The following DGCR2 variants were observed in gnomAD, a reference collection of about 807,000 sequenced individuals.
The protein encoded by DGCR2 is DiGeorge syndrome critical region gene 2.
Under a neutral mutation model 51.6 loss-of-function variants are expected in DGCR2, and 24 were observed. The observed-to-expected ratio is 0.47, with a 90% confidence interval of 0.34 to 0.65. The LOEUF (loss-of-function observed/expected upper bound fraction) is 0.65, where lower values mean the gene tolerates loss of function less well. DGCR2 is among the 30% of genes least tolerant of loss of function. DGCR2 has a pLI of 0.01. For synonymous variants in DGCR2, 340 were observed against 315.4 expected, an observed-to-expected ratio of 1.08 and a Z score of -0.82; for missense variants, 765 against 772.1, an observed-to-expected ratio of 0.99 and a Z score of 0.11.
rs1275314697 is a variant in DGCR2, at chr22:19,048,626, T to C, written c.820A>G (p.Ile274Val). The C allele has an allele frequency of 1.2e-6, 2 of 1,614,242 alleles. No homozygotes were observed. The highest frequency in any genetic ancestry group is 1.7e-6 in the Non-Finnish European group (2 of 1,180,030). ...LCKRSQTCVD[I>V]KDNVVDEGFY... ...CCTTCATCCACCACGTTGTCCTTGA[T>C]GTCAACACATGTTTGACCTGCAATG... is the stretch of plus-strand genomic sequence containing the variant. Residue 274 changes from isoleucine (I) to valine (V), a missense_variant, in exon 7 of 10, where the codon ATC becomes GTC. Physicochemically the swap from Ile to Val is conservative, Grantham distance 29 (BLOSUM62 3). Coordinates refer to ENST00000263196, the MANE Select transcript of DGCR2 (RefSeq NM_005137.3).
At chr22:19,121,966 G>A (rs2083438446) in intron 1 of DGCR2, 162 bp downstream of exon 1, 1 of 330,502 alleles carries the variant, frequency 3.0e-6, no homozygotes, top group Non-Finnish European at 5.2e-6. Context: ...AGCTCCAGCA[G>A]GCGTCCGCAG....
chr22:19,046,195 T>C (rs2082487902), intron 7 of DGCR2: 1 of 152,100 alleles, frequency 6.6e-6, no homozygotes, highest in Non-Finnish European at 1.5e-5. Flanking sequence ...CTTTTTGTCA[T>C]CATGGTTTTA....
Position 19,041,726 on chromosome 22 carries a change from A to G in DGCR2, c.1159+81T>C, listed in dbSNP as rs1400909019. 2.7e-6 allele frequency: 4 copies of G among 1,495,072 alleles called. No individual in the cohort carries two copies. The Admixed American group carries it at 7.8e-5, about 29-fold the overall frequency. The allele number at this position is 1,495,072 out of a possible 1,614,324, so 92.6% of individuals were successfully genotyped here. ...AACCTGCCTCTGCCCCTCTCTGTCC[A>G]GGGCTGGGGAGCTCATGGAGACATG... On this transcript the variant is annotated intron_variant, in intron 8 of 9. Transcript: ENST00000263196.
At chr22:19,047,835 C>A (rs1000057929) in intron 7 of DGCR2, 1 of 153,726 alleles carries the variant, frequency 6.5e-6, no homozygotes, top group Non-Finnish European at 1.4e-5. Flanking sequence ...TAAGCAATGA[C>A]AACTGTCACT....
chr22:19,039,233 G>T, intron 9 of DGCR2, 112 bp from the exon 10 acceptor site: 1 of 1,404,536 alleles, frequency 7.1e-7, no homozygotes, highest in Non-Finnish European at 9.7e-7. Flanking sequence ...CCCCCCTGAA[G>T]CTGGGTGGTG....
Position 19,064,993 on chromosome 22 carries a change from C to T in DGCR2, c.403G>A (p.Gly135Arg), listed in dbSNP as rs34285832. 1.0e-4 allele frequency: 162 copies of T among 1,613,926 alleles called. No individual in the cohort carries two copies. Among genetic ancestry groups the T allele is most frequent in the Admixed American group, 5.0e-5 (3 of 59,996 alleles). The part of the protein sequence containing the change: ...TASCYRVYLS[G>R]ENYWDAAQTC... ...TGCGCGGCATCCCAGTAGTTCTCCC[C>T]GCTCAGGTAGACCCGGTAGCAGCTG... Residue 135 changes from glycine (G) to arginine (R), a missense_variant, in exon 4 of 10, where the codon GGG becomes AGG. Gly to Arg is a moderately radical substitution (Grantham distance 125). Around this residue, in one of 3 missense-constraint regions of DGCR2, gnomAD observed 370 missense variants for 325.5 expected, o/e 1.14. Transcript: ENST00000263196.
intron 2 of DGCR2, among the ~76,000 whole-genome samples, chr22:19,079,787 G>T (rs1402131855): frequency 6.6e-6 from 1 of 152,256 alleles, no homozygotes. Flanking sequence ...ATTTAACCAC[G>T]ATATGACATA....
At chr22:19,063,329 A>T (rs1353377211) in intron 4 of DGCR2, 51 bp from the exon 5 acceptor site, 1 of 1,537,808 alleles carries the variant, frequency 6.5e-7, no homozygotes. Context: ...GAGGGATGCA[A>T]CCATCAATGA....
chr22:19,081,349 G>A (rs145353857), intron 2 of DGCR2, among the ~76,000 whole-genome samples: 1 of 152,056 alleles, frequency 6.6e-6, no homozygotes, highest in South Asian at 2.1e-4. Context: ...TTTACCACAT[G>A]TGTATGTATC....
intron 1 of DGCR2, among the ~76,000 whole-genome samples, chr22:19,111,024 T>C (rs2083308689): frequency 6.6e-6 from 1 of 152,250 alleles, no homozygotes; most frequent in African/African-American, 2.4e-5. Flanking sequence ...ATTTTTTTCC[T>C]TTTAAAATAC....
At chr22:19,040,164 T>C (rs540505592) in intron 9 of DGCR2, among the ~76,000 whole-genome samples, 4 of 152,100 alleles carry the variant, frequency 2.6e-5, no homozygotes, top group African/African-American at 2.4e-5. Context: ...CCCACCACCA[T>C]CCCTTGCAGG....
chr22:19,039,681 G>A (rs763032029), intron 9 of DGCR2, among the ~76,000 whole-genome samples: 7 of 152,198 alleles, frequency 4.6e-5, no homozygotes, highest in Non-Finnish European at 7.3e-5. Flanking sequence ...GTGGTAGGCA[G>A]TCGACTCGCT....
intron 1 of DGCR2, among the ~76,000 whole-genome samples, chr22:19,090,338 C>G (rs1042978481): frequency 1.3e-5 from 2 of 152,120 alleles, no homozygotes; most frequent in Admixed American, 6.6e-5. Flanking sequence ...CTCAATGAAC[C>G]ACAAGCACCA....
chr22:19,089,499 C>A lies in DGCR2; in HGVS notation c.80-9G>T. 1 of 1,555,302 alleles carries A rather than the reference C, an allele frequency of 6.4e-7. No homozygotes were observed. The highest frequency in any genetic ancestry group is 8.7e-7 in the Non-Finnish European group (1 of 1,144,650). ...AGGGTTGCACCGCAGCTCTGTGGGA[C>A]CAAAGGGTGAGAGGCCATTGAGGAA... On this transcript the variant is annotated splice_polypyrimidine_tract_variant and intron_variant, in intron 1 of 9. Transcript: ENST00000263196.
At position 19,057,238 on chromosome 22, in the gene DGCR2, G is replaced by A; in HGVS notation, c.626-76C>T. The A allele has an allele frequency of 7.1e-7, 1 of 1,418,372 alleles. No individual in the cohort carries two copies. The highest frequency in any genetic ancestry group is 9.5e-7 in the Non-Finnish European group (1 of 1,058,038). The allele number at this position is 1,418,372 out of a possible 1,614,324, so 87.9% of individuals were successfully genotyped here. On this transcript the variant is annotated intron_variant, in intron 5 of 9. Coordinates refer to ENST00000263196, the MANE Select transcript of DGCR2 (RefSeq NM_005137.3). The surrounding 1 kb of genome is among the most constrained non-coding windows in gnomAD (Gnocchi z 5.1). ...GCTGTGCAGTCCTCAAGGGGACCAT[G>A]GCGTCAGACAGGATCATCAACCACA...
chr22:19,056,191 T>A (rs1361531286), intron 6 of DGCR2: 1 of 156,412 alleles, frequency 6.4e-6, no homozygotes, highest in African/African-American at 2.4e-5. Flanking sequence ...GGCAGGCACC[T>A]GTAGTCCCAG....
chr22:19,062,800 C>CTCTCTCTCTCTCTCTCTCTCTCTCTCTA (rs1569052995), intron 5 of DGCR2, among the ~76,000 whole-genome samples: 1 of 146,030 alleles, frequency 6.8e-6, no homozygotes, highest in South Asian at 2.2e-4. Flanking sequence ...CTCTCTCTCT[C>CTCTCTCTCTCTCTCTCTCTCTCTCTCTA]TCTCTCTATC....
intron 5 of DGCR2, among the ~76,000 whole-genome samples, chr22:19,062,806 CT>C (rs1365186780): frequency 6.8e-6 from 1 of 147,426 alleles, no homozygotes; most frequent in Non-Finnish European, 1.5e-5. Flanking sequence ...CTCTCTCTCT[CT>C]ATCTGCCTGA....
At chr22:19,041,659 G>T in intron 8 of DGCR2, 148 bp downstream of exon 8, 1 of 959,724 alleles carries the variant, frequency 1.0e-6, no homozygotes, top group Non-Finnish European at 1.6e-6. Context: ...AACTTTCCTG[G>T]CCCACAGGTG....
Sources: allele counts gnomAD v4.1 joint callset (sites outside exome capture counted in the v4.1 genomes callset), GRCh38; gene constraint gnomAD v4.1.1; regional missense constraint gnomAD v4.1.1; non-coding constraint Gnocchi (gnomAD v3.1); transcripts MANE v1.5; gene names NCBI Gene and HGNC (gene_info 2026-07-23, HGNC 2026-07-21).